GADL1: variants seen among roughly 807,000 people sequenced by gnomAD.
GADL1 encodes acidic amino acid decarboxylase GADL1.
Under a neutral mutation model 69.5 loss-of-function variants are expected in GADL1, and 71 were observed. The ratio of observed to expected loss-of-function variants is 1.02; its 90% CI spans 0.84 to 1.25. GADL1 has a LOEUF of 1.25. Among genes scored for constraint, GADL1 ranks in the 50% most tolerant of loss-of-function variants. GADL1 has a pLI of 0.00. For missense variants in GADL1, 737 were observed against 631.8 expected, an observed-to-expected ratio of 1.17 and a Z score of -1.79; for synonymous variants, 254 against 214.4, an observed-to-expected ratio of 1.18 and a Z score of -1.62.
chr3:30,786,451 A>G, intron 12 of GADL1, 45 bp from the exon 13 acceptor site: 2 of 1,007,566 alleles, frequency 2.0e-6, no homozygotes, highest in Non-Finnish European at 3.2e-6. Context: ...GCAATGTAAA[A>G]GTGTCATGAA....
intron 12 of GADL1, among the ~76,000 whole-genome samples, chr3:30,787,943 T>C (rs1305526937): frequency 1.3e-5 from 2 of 152,088 alleles, no homozygotes; most frequent in Admixed American, 6.5e-5. Context: ...ATATTGATGT[T>C]TGTATATTTC....
intron 11 of GADL1, among the ~76,000 whole-genome samples, chr3:30,832,919 G>A (rs1349703345): frequency 8.1e-6 from 1 of 123,762 alleles, no homozygotes. Context: ...CTGATGGACA[G>A]TCTGATCATG....
At chr3:30,789,277 G>T (rs1369858176) in intron 12 of GADL1, among the ~76,000 whole-genome samples, 3 of 152,172 alleles carry the variant, frequency 2.0e-5, no homozygotes, top group Admixed American at 1.3e-4. Flanking sequence ...TAGGTGCGTT[G>T]TCAATGAGCA....
chr3:30,884,791 T>G (rs1008374502), intron 1 of GADL1, among the ~76,000 whole-genome samples: 17 of 152,078 alleles, frequency 1.1e-4, no homozygotes, highest in Non-Finnish European at 2.5e-4. Context: ...TAATTCAATG[T>G]GATAAATATT....
At chr3:30,793,126 G>C (rs1406683720) in intron 12 of GADL1, among the ~76,000 whole-genome samples, 1 of 152,106 alleles carries the variant, frequency 6.6e-6, no homozygotes, top group Non-Finnish European at 1.5e-5. Context: ...ATTTAACCAT[G>C]GAACTATTTT....
At position 30,728,021 on chromosome 3, in the gene GADL1, CA is replaced by C. The variant is rs772176752; in HGVS notation, c.*220del. On this transcript the variant is annotated 3_prime_UTR_variant, in exon 15 of 15. Coordinates refer to ENST00000282538, the MANE Select transcript of GADL1 (RefSeq NM_207359.3). ...TTCCAGGGGCATTCCTTGAGAAAAT[CA>C]TTTTTTTTTTTAAACTTTCTTCTTT... is the stretch of plus-strand genomic sequence containing the variant. The C allele has an allele frequency of 0.01, 4,219 of 407,062 alleles. 2 individuals are homozygous for C. Among genetic ancestry groups the C allele is most frequent in the Non-Finnish European group, 0.013 (2,911 of 224,292 alleles). 25.2% of individuals were successfully genotyped at this position (407,062 alleles called of 1,614,324 possible).
intron 1 of GADL1, 43 bp downstream of exon 1, chr3:30,894,535 G>A (rs1461345654): frequency 6.6e-7 from 1 of 1,508,952 alleles, no homozygotes. Flanking sequence ...AACCCAGACA[G>A]GGGAGGTTAA....
At chr3:30,805,721 A>G (rs1301764587) in intron 11 of GADL1, among the ~76,000 whole-genome samples, 6 of 123,178 alleles carry the variant, frequency 4.9e-5, no homozygotes, top group Admixed American at 1.6e-4. Flanking sequence ...TCTGTGCACC[A>G]GCAGTCCCCA....
At chr3:30,775,420 C>G (rs1383760152) in intron 14 of GADL1, among the ~76,000 whole-genome samples, 1 of 152,130 alleles carries the variant, frequency 6.6e-6, no homozygotes, top group Non-Finnish European at 1.5e-5. Flanking sequence ...TACTTGTATT[C>G]TCATTCTACA....
At chr3:30,801,125 T>G in intron 11 of GADL1, 37 bp from the exon 12 acceptor site, 1 of 1,521,166 alleles carries the variant, frequency 6.6e-7, no homozygotes, top group Non-Finnish European at 9.1e-7. Context: ...TGTTAAACTT[T>G]AGAATATAAC....
At chr3:30,858,901 C>T (rs1037973161) in intron 2 of GADL1, among the ~76,000 whole-genome samples, 5 of 151,810 alleles carry the variant, frequency 3.3e-5, no homozygotes, top group African/African-American at 9.7e-5. Context: ...GTGGAGGGCA[C>T]GCCAGAGAGG....
At chr3:30,889,084 T>TAAA (rs60227313) in intron 1 of GADL1, among the ~76,000 whole-genome samples, 388 of 32,756 alleles carry the variant, frequency 0.012, 26 homozygotes, top group Non-Finnish European at 0.015. Context: ...CGGTAATCTA[T>TAAA]AAAAAAAAAA....
chr3:30,863,382 C>T (rs1055388349), intron 1 of GADL1, among the ~76,000 whole-genome samples: 3 of 151,952 alleles, frequency 2.0e-5, no homozygotes, highest in Non-Finnish European at 4.4e-5. Flanking sequence ...TGAGACGGAA[C>T]ATGTTCAAGA....
intron 13 of GADL1, among the ~76,000 whole-genome samples, chr3:30,785,448 G>A (rs1696769138): frequency 2.0e-5 from 3 of 146,830 alleles, no homozygotes; most frequent in South Asian, 2.1e-4. Context: ...GCAATGGCGC[G>A]ATAGCTCACC....
In GADL1 at chr3:30,857,178, C is replaced by T. The variant is rs1463797667; in HGVS notation, c.211-37G>A. On this transcript the variant is annotated intron_variant, in intron 2 of 14. Coordinates refer to ENST00000282538, the MANE Select transcript of GADL1 (RefSeq NM_207359.3). ...ACCACAACACAAATTGAGTATCCAC[C>T]ATAGCCAGGTATTGAGAGGATGTTA... 2.6e-6 allele frequency: 4 copies of T among 1,542,676 alleles called. No individual in the cohort carries two copies. In the Admixed American group the frequency reaches 7.9e-5, roughly 30 times the overall value.
intron 8 of GADL1, among the ~76,000 whole-genome samples, chr3:30,839,959 G>T (rs1697940698): frequency 6.6e-6 from 1 of 152,116 alleles, no homozygotes; most frequent in South Asian, 2.1e-4. Context: ...CAAATGGATT[G>T]CTCCAGGATG....
intron 14 of GADL1, among the ~76,000 whole-genome samples, chr3:30,746,886 T>C (rs1010589318): frequency 2.6e-5 from 4 of 152,158 alleles, no homozygotes; most frequent in African/African-American, 9.7e-5. Flanking sequence ...TGGCCAGCAA[T>C]GCAGGGGAGT....
At chr3:30,780,767 TACA>T (rs1255519369) in intron 13 of GADL1, among the ~76,000 whole-genome samples, 2 of 152,238 alleles carry the variant, frequency 1.3e-5, no homozygotes, top group African/African-American at 2.4e-5. Flanking sequence ...GCTTCAGTGC[TACA>T]ACATTTGAAA....
chr3:30,766,858 T>C (rs141332751), intron 14 of GADL1, among the ~76,000 whole-genome samples: 1 of 152,080 alleles, frequency 6.6e-6, no homozygotes, highest in Non-Finnish European at 1.5e-5. Flanking sequence ...GGGGGAAACA[T>C]GAGTGACATA....
Sources: gnomAD v4.1 joint callset for allele counts (sites outside exome capture counted in the v4.1 genomes callset) on GRCh38, gnomAD v4.1.1 for gene constraint, MANE v1.5 for transcripts, NCBI Gene and HGNC (gene_info 2026-07-23, HGNC 2026-07-21) for gene names.